Variants in CYP26A1 observed in about 807,000 individuals in gnomAD.
CYP26A1 encodes the protein cytochrome P450 26A1.
A neutral mutation model predicts 47.4 loss-of-function variants in CYP26A1; 46 were observed. The ratio of observed to expected loss-of-function variants is 0.97; its 90% CI spans 0.77 to 1.24. CYP26A1 has a LOEUF of 1.24. Ranked by LOEUF, CYP26A1 falls within the 50% of genes most tolerant of loss-of-function variation. CYP26A1 has a pLI of 0.00. For missense variants in CYP26A1, 680 were observed against 644.4 expected (o/e 1.06, Z -0.60); for synonymous variants, 277 against 263.7 (o/e 1.05, Z -0.49).
rs1167958908 is a variant in CYP26A1 at position 93,077,291 on chromosome 10, A to T, written c.1481A>T (p.His494Leu). 6.5e-7 allele frequency: 1 copy of T among 1,532,234 alleles called. No individual in the cohort carries two copies. The highest frequency in any genetic ancestry group is 2.3e-5 in the East Asian group (1 of 44,034). 94.9% of individuals were successfully genotyped at this position (1,532,234 alleles called of 1,614,324 possible). A position where few individuals can be genotyped will look rare whatever the true frequency, so the allele number is the denominator to read the frequency against. ...DNLPARFTHFHGEI is the reference protein window; with the variant it reads ...DNLPARFTHFLGEI ...CTCCCTGCAAGATTCACCCATTTCC[A>T]TGGGGAAATCTGATGAGCTTGAATG... is the stretch of plus-strand genomic sequence containing the variant. Residue 494 changes from histidine (H) to leucine (L), a missense_variant, in exon 7 of 7, where the codon CAT (histidine) becomes CTT (leucine). Coordinates refer to ENST00000224356, the MANE Select transcript of CYP26A1 (RefSeq NM_000783.4).
At chr10:93,075,988 T>C in intron 5 of CYP26A1, 28 bp downstream of exon 5, 1 of 1,591,294 alleles carries the variant, frequency 6.3e-7, no homozygotes, top group Non-Finnish European at 8.6e-7. Context: ...GGGGGTGTCC[T>C]TATTAGCTTA....
rs763890215 is a variant in CYP26A1, at chr10:93,075,175, C to T, written c.732C>T (p.His244=). ...YRGMKARNLI[H]ARIEQNIRAK... ...GCATGAAGGCGCGGAACCTCATTCA[C>T]GCGCGCATCGAGCAGAACATTCGCG... Residue 244 remains histidine (H), a synonymous_variant, in exon 4 of 7, where the codon CAC becomes CAT. Coordinates refer to ENST00000224356, the MANE Select transcript of CYP26A1 (RefSeq NM_000783.4). The T allele has an allele frequency of 8.7e-6, 14 of 1,613,580 alleles. No homozygotes were observed. Among genetic ancestry groups the T allele is most frequent in the Admixed American group, 1.7e-5 (1 of 59,996 alleles).
In CYP26A1 at chr10:93,074,111, G is replaced by T. The variant is rs1846934149; in HGVS notation, c.177G>T (p.Gln59His). The change falls in exon 1 of 7, where the codon CAG (glutamine) becomes CAT (histidine). Residue 59 changes from glutamine (Q) to histidine (H), a missense_variant. Physicochemically the swap from Gln to His is conservative, Grantham distance 24. Transcript: ENST00000224356. The surrounding 1 kb of genome is among the most constrained non-coding windows in gnomAD (Gnocchi z 5.3). ...MGFPFFGETL[Q>H]MVLQRRKFLQ... ...TCCCCTTCTTTGGGGAAACCTTGCA[G>T]ATGGTACTGCAGGTAAGGGAGGGTG... 1 of 848,856 alleles carries T rather than the reference G, an allele frequency of 1.2e-6. No homozygotes were observed. The highest frequency in any genetic ancestry group is 5.5e-5 in the East Asian group (1 of 18,178). 52.6% of individuals were successfully genotyped at this position (848,856 alleles called of 1,614,324 possible). A position where few individuals can be genotyped will look rare whatever the true frequency, so the allele number is the denominator to read the frequency against.
At chr10:93,075,452 G>A (rs1227112141) in intron 4 of CYP26A1, 145 bp downstream of exon 4, 6 of 745,062 alleles carry the variant, frequency 8.1e-6, no homozygotes, top group African/African-American at 1.8e-5. Flanking sequence ...GAATCCCGAA[G>A]GAAGGCTGAG....
At chr10:93,075,637 G>A (rs1165157810) in intron 4 of CYP26A1, 189 bp from the exon 5 acceptor site, 4 of 592,134 alleles carry the variant, frequency 6.8e-6, no homozygotes, top group African/African-American at 1.9e-5. Context: ...GGTCGTACTC[G>A]CCTTACTGCT....
intron 6 of CYP26A1, 102 bp from the exon 7 acceptor site, chr10:93,076,861 C>T (rs1223692915): frequency 4.1e-6 from 4 of 982,468 alleles, no homozygotes; most frequent in African/African-American, 3.3e-5. Flanking sequence ...CTCTCCCTTG[C>T]TTTTAGCTCA....
At position 93,074,270 on chromosome 10, in the gene CYP26A1, C is replaced by T. The variant is rs760627948; in HGVS notation, c.190-38C>T. 17 of 1,533,660 alleles carry T rather than the reference C, an allele frequency of 1.1e-5. No homozygotes were observed. Among genetic ancestry groups the T allele is most frequent in the East Asian group, 2.3e-5 (1 of 44,044 alleles). On this transcript the variant is annotated intron_variant, in intron 1 of 6. Transcript: ENST00000224356. The surrounding 1 kb of genome is among the most constrained non-coding windows in gnomAD (Gnocchi z 5.3). ...GGGAGCGCGGCGCTCCCCGGCGCCC[C>T]CTCATGCCCACTTCTCTCCTCCGCC...
At chr10:93,073,857 C>A, upstream of CYP26A1, 1 of 629,170 alleles carries the variant, frequency 1.6e-6, no homozygotes, top group South Asian at 1.9e-5. Flanking sequence ...GCAACCTGGG[C>A]CGCCTATAAA....
At position 93,077,129 on chromosome 10, in the gene CYP26A1, G is replaced by T; in HGVS notation, c.1319G>T (p.Arg440Met). 2 of 1,614,210 alleles carry T rather than the reference G, an allele frequency of 1.2e-6. No homozygotes were observed. Among genetic ancestry groups the T allele is most frequent in the African/African-American group, 2.7e-5 (2 of 75,056 alleles). The change falls in exon 7 of 7, where the codon AGG (arginine) becomes ATG (methionine). Residue 440 changes from arginine to methionine, a missense_variant. Coordinates refer to ENST00000224356, the MANE Select transcript of CYP26A1 (RefSeq NM_000783.4). ...FSFIPFGGGL[R>M]SCVGKEFAKI... ...TTCATTCCATTTGGAGGAGGCCTTA[G>T]GAGCTGTGTAGGCAAAGAATTTGCA...
Position 93,075,198 on chromosome 10 carries a change from G to A in CYP26A1, c.755G>A (p.Arg252His). ...CACGCGCGCATCGAGCAGAACATTC[G>A]CGCCAAGATCTGCGGGCTGCGGGCA... is the stretch of plus-strand genomic sequence containing the variant. ...LIHARIEQNI[R>H]AKICGLRASE... is the part of the protein sequence containing the mutation. The change falls in exon 4 of 7, where the codon CGC becomes CAC. Residue 252 changes from arginine (R) to histidine (H), a missense_variant. Arg to His is a conservative substitution (Grantham distance 29). Transcript: ENST00000224356. 1 of 1,613,874 alleles carries A rather than the reference G, an allele frequency of 6.2e-7. No homozygotes were observed. The highest frequency in any genetic ancestry group is 8.5e-7 in the Non-Finnish European group (1 of 1,179,948).
rs778219389 is a variant in CYP26A1 at position 93,074,410 on chromosome 10, C to A, written c.292C>A (p.Arg98=). The change falls in exon 2 of 7, where the codon CGG becomes AGG. Residue 98 remains arginine (R), a synonymous_variant. Coordinates refer to ENST00000224356, the MANE Select transcript of CYP26A1 (RefSeq NM_000783.4). The surrounding 1 kb of genome is among the most constrained non-coding windows in gnomAD (Gnocchi z 5.3). ...ACGGGTGATGGGCGCGGACAATGTGCGGCGCATCTTGCTCGGAGAGCACCG... is the reference window on the plus strand; with the variant it reads ...ACGGGTGATGGGCGCGGACAATGTGAGGCGCATCTTGCTCGGAGAGCACCG... ...TVRVMGADNV[R]RILLGEHRLV... 3 of 1,611,132 alleles carry A rather than the reference C, an allele frequency of 1.9e-6. No individual in the cohort carries two copies. The highest frequency in any genetic ancestry group is 1.1e-5 in the South Asian group (1 of 91,036).
At chr10:93,075,438 T>A in intron 4 of CYP26A1, 131 bp downstream of exon 4, 1 of 803,630 alleles carries the variant, frequency 1.2e-6, no homozygotes, top group Non-Finnish European at 1.9e-6. Context: ...AGACTACAGC[T>A]ATGGAATCCC....
chr10:93,074,699 TG>T lies in CYP26A1; in HGVS notation c.415-75del. On this transcript the variant is annotated intron_variant, in intron 2 of 6. Transcript: ENST00000224356. The surrounding 1 kb of genome is among the most constrained non-coding windows in gnomAD (Gnocchi z 5.3). ...GAGAGTGCCATGTGTCTGGCAGGACTGGGGGTGTCTGGAAGGGGACGGCGGT... is the reference window on the plus strand; with the variant it reads ...GAGAGTGCCATGTGTCTGGCAGGACTGGGGTGTCTGGAAGGGGACGGCGGT... The T allele has an allele frequency of 7.9e-7, 1 of 1,269,568 alleles. No homozygotes were observed. The highest frequency in any genetic ancestry group is 1.1e-6 in the Non-Finnish European group (1 of 899,692). 78.6% of individuals were successfully genotyped at this position (1,269,568 alleles called of 1,614,324 possible).
rs1564956712 is a variant in CYP26A1 at position 93,074,559 on chromosome 10, AGGGAG to A, written c.414+31_414+35del. 7.1e-7 allele frequency: 1 copy of A among 1,406,496 alleles called. No individual in the cohort carries two copies. The highest frequency in any genetic ancestry group is 1.4e-5 in the African/African-American group (1 of 70,926). 87.1% of individuals were successfully genotyped at this position (1,406,496 alleles called of 1,614,324 possible). On this transcript the variant is annotated intron_variant, in intron 2 of 6. Transcript: ENST00000224356. This position sits in a 1 kb window ranked among gnomAD's most constrained non-coding sequence, Gnocchi z 5.3. ...TGGGGGCAGGAGGCGACGGCTGGACAGGGAGGGGGACCCCATTTATGAGCGGAATT... is the reference window on the plus strand; with the variant it reads ...TGGGGGCAGGAGGCGACGGCTGGACAGGGGACCCCATTTATGAGCGGAATT...
At chr10:93,075,421 C>A in intron 4 of CYP26A1, 114 bp downstream of exon 4, 1 of 924,334 alleles carries the variant, frequency 1.1e-6, no homozygotes, top group Non-Finnish European at 1.6e-6. Flanking sequence ...GAGTGGGCGG[C>A]CGGCTCAGAC....
chr10:93,075,751 C>T, intron 4 of CYP26A1, 75 bp from the exon 5 acceptor site: 1 of 1,141,936 alleles, frequency 8.8e-7, no homozygotes, highest in African/African-American at 1.5e-5. Flanking sequence ...CCAGAACTCT[C>T]AGTTCGATTC....
chr10:93,077,060 A>G lies in CYP26A1; in HGVS notation c.1250A>G (p.Asp417Gly), dbSNP rs761622656. 1.2e-6 allele frequency: 2 copies of G among 1,613,742 alleles called. No individual in the cohort carries two copies. Among genetic ancestry groups the G allele is most frequent in the South Asian group, 1.1e-5 (1 of 91,070 alleles). Residue 417 changes from aspartate (D) to glycine (G), a missense_variant, in exon 7 of 7, where the codon GAC becomes GGC. Transcript: ENST00000224356. Reference protein sequence around the residue: ...IFTNKEEFNPDRFMLPHPEDA... With the variant: ...IFTNKEEFNPGRFMLPHPEDA... ...ACCAACAAGGAAGAATTTAATCCTG[A>G]CCGATTCATGCTGCCTCACCCAGAG...
Position 93,074,561 on chromosome 10 carries a change from G to T in CYP26A1, c.414+29G>T. 7.1e-7 allele frequency: 1 copy of T among 1,401,306 alleles called. No individual in the cohort carries two copies. Among genetic ancestry groups the T allele is most frequent in the Non-Finnish European group, 1.0e-6 (1 of 987,114 alleles). The allele number at this position is 1,401,306 out of a possible 1,614,324, so 86.8% of individuals were successfully genotyped here. ...GGGGCAGGAGGCGACGGCTGGACAG[G>T]GAGGGGGACCCCATTTATGAGCGGA... is the stretch of plus-strand genomic sequence containing the variant. On this transcript the variant is annotated intron_variant, in intron 2 of 6. Coordinates refer to ENST00000224356, the MANE Select transcript of CYP26A1 (RefSeq NM_000783.4). The surrounding 1 kb of genome is among the most constrained non-coding windows in gnomAD (Gnocchi z 5.3).
At chr10:93,076,432 C>A (rs559055897) in intron 5 of CYP26A1, 112 bp from the exon 6 acceptor site, 1 of 689,866 alleles carries the variant, frequency 1.4e-6, no homozygotes, top group African/African-American at 1.8e-5. Flanking sequence ...CCAGTCTCTC[C>A]CATCATGGGG....
Sources: gnomAD v4.1 joint callset for allele counts on GRCh38, gnomAD v4.1.1 for gene constraint, Gnocchi (gnomAD v3.1) non-coding constraint, MANE v1.5 for transcripts, NCBI Gene and HGNC (gene_info 2026-07-23, HGNC 2026-07-21) for gene names.